Variants in MPHOSPH9 observed in about 807,000 individuals in gnomAD.
The protein encoded by MPHOSPH9 is M-phase phosphoprotein 9.
MPHOSPH9 carries 88 observed loss-of-function variants against 145.5 expected under a neutral mutation model. The ratio of observed to expected loss-of-function variants is 0.60; its 90% CI spans 0.51 to 0.72. The LOEUF is 0.72. Among genes scored for constraint, MPHOSPH9 ranks in the 30% least tolerant of loss-of-function variants. MPHOSPH9 has a pLI of 0.00. For synonymous variants in MPHOSPH9, 435 were observed against 486.2 expected, an observed-to-expected ratio of 0.89 and a Z score of 1.39; for missense variants, 1,238 against 1,386.6, an observed-to-expected ratio of 0.89 and a Z score of 1.70.
intron 7 of MPHOSPH9, among the ~76,000 whole-genome samples, chr12:123,214,092 G>A (rs752235114): frequency 6.6e-5 from 10 of 152,138 alleles, no homozygotes; most frequent in Non-Finnish European, 1.5e-4. Context: ...ATTGGAATAA[G>A]CTCACCATGG....
intron 14 of MPHOSPH9, among the ~76,000 whole-genome samples, chr12:123,180,848 G>C (rs1303685196): frequency 2.6e-5 from 4 of 152,152 alleles, no homozygotes; most frequent in African/African-American, 9.7e-5. Flanking sequence ...ACTCCAACCT[G>C]GGTGTCACAA....
downstream of MPHOSPH9, chr12:123,152,504 T>G: frequency 2.2e-6 from 1 of 453,944 alleles, no homozygotes; most frequent in Non-Finnish European, 4.4e-6. Context: ...TATCGGTCAC[T>G]GTTACAGTGA....
At chr12:123,173,069 T>A (rs1413914700) in intron 16 of MPHOSPH9, among the ~76,000 whole-genome samples, 1 of 151,410 alleles carries the variant, frequency 6.6e-6, no homozygotes, top group Non-Finnish European at 1.5e-5. Context: ...AGAGATGGAG[T>A]TTCGCCATGT....
intron 8 of MPHOSPH9, among the ~76,000 whole-genome samples, chr12:123,207,065 A>G (rs1447533497): frequency 6.6e-6 from 1 of 151,930 alleles, no homozygotes; most frequent in Non-Finnish European, 1.5e-5. Context: ...AAAAAAAAAA[A>G]AAGTTACTGA....
chr12:123,214,656 T>G (rs201036795), intron 7 of MPHOSPH9, 88 bp downstream of exon 7: 39 of 86,226 alleles, frequency 4.5e-4, no homozygotes, highest in Non-Finnish European at 1.0e-3. Context: ...GCAAGTTGTT[T>G]TTTAAAAATA....
upstream of MPHOSPH9, among the ~76,000 whole-genome samples, chr12:123,234,078 A>T (rs987768105): frequency 2.6e-5 from 4 of 152,080 alleles, no homozygotes; most frequent in Non-Finnish European, 5.9e-5. Context: ...CTGGGATCAC[A>T]GGCGCAAGCC....
At chr12:123,210,368 A>G (rs939743408) in intron 7 of MPHOSPH9, among the ~76,000 whole-genome samples, 2 of 152,308 alleles carry the variant, frequency 1.3e-5, no homozygotes, top group Middle Eastern at 3.4e-3. Context: ...ACTGAAATAT[A>G]AAAAGTCAAG....
At chr12:123,222,630 G>A (rs1418818248) in intron 4 of MPHOSPH9, among the ~76,000 whole-genome samples, 1 of 152,114 alleles carries the variant, frequency 6.6e-6, no homozygotes, top group Non-Finnish European at 1.5e-5. Flanking sequence ...CTCCAGCCTG[G>A]GCAACAGAGT....
intron 13 of MPHOSPH9, among the ~76,000 whole-genome samples, chr12:123,185,251 GA>G (rs1457912974): frequency 6.7e-6 from 1 of 148,716 alleles, no homozygotes; most frequent in Non-Finnish European, 1.5e-5. Flanking sequence ...TATTCTCAAA[GA>G]AATAACAACA....
At position 123,163,930 on chromosome 12, in the gene MPHOSPH9, T is replaced by C; in HGVS notation, c.2908+20A>G. 1 of 1,613,698 alleles carries C rather than the reference T, an allele frequency of 6.2e-7. No homozygotes were observed. Among genetic ancestry groups the C allele is most frequent in the Admixed American group, 1.7e-5 (1 of 59,986 alleles). On this transcript the variant is annotated intron_variant, in intron 19 of 23. Coordinates refer to ENST00000606320, the MANE Select transcript of MPHOSPH9 (RefSeq NM_022782.4). Reference sequence around the variant, plus strand: ...AGATCACGCTTTTGAACCCAAGAGATGTACACATCTAACTCTTACTTGGAG... The same window carrying C: ...AGATCACGCTTTTGAACCCAAGAGACGTACACATCTAACTCTTACTTGGAG...
At chr12:123,199,012 C>CTT (rs1161147551) in intron 11 of MPHOSPH9, among the ~76,000 whole-genome samples, 1 of 149,040 alleles carries the variant, frequency 6.7e-6, no homozygotes, top group Admixed American at 6.7e-5. Context: ...TTACTTTTTT[C>CTT]TTTCTTTTTT....
At chr12:123,235,430 G>C (rs2047830233), upstream of MPHOSPH9, among the ~76,000 whole-genome samples, 1 of 151,992 alleles carries the variant, frequency 6.6e-6, no homozygotes. Flanking sequence ...GTGTGACAGA[G>C]CTCAGCTCAC....
intron 5 of MPHOSPH9, among the ~76,000 whole-genome samples, chr12:123,220,733 G>A (rs1487571667): frequency 1.3e-5 from 2 of 151,804 alleles, no homozygotes; most frequent in Non-Finnish European, 2.9e-5. Context: ...ACCAGCTTGG[G>A]CAACAAAGCA....
chr12:123,187,115 G>T (rs979100088), intron 13 of MPHOSPH9, among the ~76,000 whole-genome samples: 2 of 152,036 alleles, frequency 1.3e-5, no homozygotes, highest in African/African-American at 4.8e-5. Flanking sequence ...CAAAAAACTA[G>T]CCGGGTGTTG....
At chr12:123,190,113 G>A (rs1429798651) in intron 13 of MPHOSPH9, among the ~76,000 whole-genome samples, 2 of 151,692 alleles carry the variant, frequency 1.3e-5, no homozygotes, top group African/African-American at 4.8e-5. Context: ...TCAGAAAAGG[G>A]TGCACAGGGG....
chr12:123,228,898 A>G (rs2047531791), intron 2 of MPHOSPH9, among the ~76,000 whole-genome samples: 2 of 152,198 alleles, frequency 1.3e-5, no homozygotes, highest in South Asian at 4.1e-4. Context: ...AGTGTACTTT[A>G]AAGGGACCAC....
rs985999575 is a variant in MPHOSPH9, at chr12:123,185,084, G to A, written c.2242-3874C>T. 5.3e-5 allele frequency among the ~76,000 whole-genome samples: 8 copies of A among 151,998 alleles called. No individual in the cohort carries two copies. The East Asian group carries it at 1.4e-3, about 26-fold the overall frequency. On this transcript the variant is annotated intron_variant, in intron 13 of 23. Transcript: ENST00000606320. ...CTCCCAAAGCACTGAGATTATAGGC[G>A]TGAGCCACCACACCCAGCCTAGTGC... is the stretch of plus-strand genomic sequence containing the variant.
At chr12:123,157,046 T>C (rs1298763150) in intron 23 of MPHOSPH9, 138 bp from the exon 24 acceptor site, 1 of 537,370 alleles carries the variant, frequency 1.9e-6, no homozygotes, top group African/African-American at 1.9e-5. Flanking sequence ...ACACGAAACA[T>C]CTTATGATTT....
intron 8 of MPHOSPH9, among the ~76,000 whole-genome samples, chr12:123,205,186 A>G (rs1372291947): frequency 6.6e-6 from 1 of 152,224 alleles, no homozygotes; most frequent in Non-Finnish European, 1.5e-5. Context: ...TAGGCTGCAG[A>G]GCACCATGAA....
Sources: allele counts gnomAD v4.1 joint callset (sites outside exome capture counted in the v4.1 genomes callset), GRCh38; gene constraint gnomAD v4.1.1; transcripts MANE v1.5; gene names NCBI Gene and HGNC (gene_info 2026-07-23, HGNC 2026-07-21).